ZNF470: variants seen among roughly 807,000 people sequenced by gnomAD.
ZNF470 encodes zinc finger protein 470.
A neutral mutation model predicts 13.9 loss-of-function variants in ZNF470; 13 were observed. That is an observed-to-expected ratio of 0.94 (90% CI 0.61 to 1.49). ZNF470 has a LOEUF of 1.49. Among genes scored for constraint, ZNF470 ranks in the 40% most tolerant of loss-of-function variants. ZNF470 has a pLI of 0.00. For missense variants in ZNF470, 929 were observed against 857.3 expected (o/e 1.08, Z -1.04); for synonymous variants, 293 against 282.9 (o/e 1.04, Z -0.36).
rs1438118735 is a variant in ZNF470, at chr19:56,579,730, C to T, written c.*1147C>T. On this transcript the variant is annotated 3_prime_UTR_variant, in exon 6 of 6. Transcript: ENST00000330619. Reference sequence around the variant, plus strand: ...CTGAATGTAGATGTTACAACTTAAACTTATTTTTAAAATATTTAAAAATAG... The same window carrying T: ...CTGAATGTAGATGTTACAACTTAAATTTATTTTTAAAATATTTAAAAATAG... The T allele has an allele frequency of 1.0e-6, 1 of 981,424 alleles. No individual in the cohort carries two copies. The highest frequency in any genetic ancestry group is 1.1e-4 in the East Asian group (1 of 8,800). The allele number at this position is 981,424 out of a possible 1,614,324, so 60.8% of individuals were successfully genotyped here. A position where few individuals can be genotyped will look rare whatever the true frequency, so the allele number is the denominator to read the frequency against.
chr19:56,568,479 A>G (rs551173358), intron 1 of ZNF470, among the ~76,000 whole-genome samples: 4 of 152,202 alleles, frequency 2.6e-5, no homozygotes, highest in East Asian at 3.9e-4. Context: ...CAGCCTTTCT[A>G]TGGCTTAATC....
In ZNF470 at chr19:56,578,650, C is replaced by T. The variant is rs1165885995; in HGVS notation, c.*67C>T. 7.2e-7 allele frequency: 1 copy of T among 1,381,174 alleles called. No homozygotes were observed. The highest frequency in any genetic ancestry group is 1.4e-5 in the African/African-American group (1 of 69,264). The allele number at this position is 1,381,174 out of a possible 1,614,324, so 85.6% of individuals were successfully genotyped here. ...CCAGCACATGTCCCATCATCATAGTCCAAGACGCAACCATCTCATCTGGAT... is the reference window on the plus strand; with the variant it reads ...CCAGCACATGTCCCATCATCATAGTTCAAGACGCAACCATCTCATCTGGAT... On this transcript the variant is annotated 3_prime_UTR_variant, in exon 6 of 6. Transcript: ENST00000330619.
rs757996315 is a variant in ZNF470 at position 56,578,626 on chromosome 19, C to T, written c.*43C>T. 6.9e-7 allele frequency: 1 copy of T among 1,445,904 alleles called. No individual in the cohort carries two copies. Among genetic ancestry groups the T allele is most frequent in the Non-Finnish European group, 9.1e-7 (1 of 1,095,640 alleles). 89.6% of individuals were successfully genotyped at this position (1,445,904 alleles called of 1,614,324 possible). A position where few individuals can be genotyped will look rare whatever the true frequency, so the allele number is the denominator to read the frequency against. ...CTTCTAGCATCCATCTGCTTTTTTC[C>T]AGCACATGTCCCATCATCATAGTCC... On this transcript the variant is annotated 3_prime_UTR_variant, in exon 6 of 6. Transcript: ENST00000330619.
chr19:56,576,950 C>T lies in ZNF470; in HGVS notation c.521C>T (p.Ser174Phe). ...ACTCTTATTGAAAAAAGAGATCACT[C>T]TAACAAATCTGGGACAGTTTTTCAT... The part of the protein sequence containing the change: ...IDTLIEKRDH[S>F]NKSGTVFHLN... The change falls in exon 6 of 6, where the codon TCT (serine) becomes TTT (phenylalanine). Residue 174 changes from serine (S) to phenylalanine (F), a missense_variant. Coordinates refer to ENST00000330619, the MANE Select transcript of ZNF470 (RefSeq NM_001001668.4). The T allele has an allele frequency of 6.9e-6, 11 of 1,585,834 alleles. No individual in the cohort carries two copies. Among genetic ancestry groups the T allele is most frequent in the Non-Finnish European group, 8.5e-6 (10 of 1,171,038 alleles).
Position 56,582,685 on chromosome 19 carries a change from T to C in ZNF470, c.*4102T>C, listed in dbSNP as rs2044543593. 2.1e-6 allele frequency: 1 copy of C among 484,238 alleles called. No individual in the cohort carries two copies. The highest frequency in any genetic ancestry group is 2.7e-6 in the Non-Finnish European group (1 of 372,266). The allele number at this position is 484,238 out of a possible 1,614,324, so 30.0% of individuals were successfully genotyped here. On this transcript the variant is annotated 3_prime_UTR_variant, in exon 6 of 6. Transcript: ENST00000330619. ...CCATAAGAGTGAGGCCCTAATCCCA[T>C]AGGACTAGTGTCCTTATAAGAGGAA...
Position 56,579,654 on chromosome 19 carries a change from A to G in ZNF470, c.*1071A>G. On this transcript the variant is annotated 3_prime_UTR_variant, in exon 6 of 6. Coordinates refer to ENST00000330619, the MANE Select transcript of ZNF470 (RefSeq NM_001001668.4). ...ATAAGACCTTCCATCTTGTTCCATG[A>G]GATTGACAAGACATGCCAAAACATA... 1 of 985,422 alleles carries G rather than the reference A, an allele frequency of 1.0e-6. No individual in the cohort carries two copies. Among genetic ancestry groups the G allele is most frequent in the Non-Finnish European group, 1.2e-6 (1 of 829,920 alleles). The allele number at this position is 985,422 out of a possible 1,614,324, so 61.0% of individuals were successfully genotyped here.
In ZNF470 at chr19:56,578,253, G is replaced by A. The variant is rs370666760; in HGVS notation, c.1824G>A (p.Leu608=). 2.5e-6 allele frequency: 4 copies of A among 1,613,530 alleles called. 1 individual carries two copies. The highest frequency in any genetic ancestry group is 1.1e-5 in the South Asian group (1 of 91,062). The change falls in exon 6 of 6, where the codon TTG becomes TTA. Residue 608 remains leucine (L), a synonymous_variant. Transcript: ENST00000330619. Reference sequence around the variant, plus strand: ...AGGCATTCAGGCAGAGGGCATCCTTGATTTGTCATCAGAGATGTCATACTG... The same window carrying A: ...AGGCATTCAGGCAGAGGGCATCCTTAATTTGTCATCAGAGATGTCATACTG... ...CGKAFRQRAS[L]ICHQRCHTGE...
Position 56,577,849 on chromosome 19 carries a change from G to C in ZNF470, c.1420G>C (p.Val474Leu). ...HRGSLTLHQR[V>L]HTGEKPYECK... Reference sequence around the variant, plus strand: ...TGGGTCTCTTACTCTTCATCAGAGAGTTCATACTGGAGAGAAACCCTATGA... The same window carrying C: ...TGGGTCTCTTACTCTTCATCAGAGACTTCATACTGGAGAGAAACCCTATGA... Residue 474 changes from valine (V) to leucine (L), a missense_variant, in exon 6 of 6, where the codon GTT becomes CTT. By Grantham distance (32) the Val-to-Leu change is conservative. Coordinates refer to ENST00000330619, the MANE Select transcript of ZNF470 (RefSeq NM_001001668.4). The C allele has an allele frequency of 6.2e-7, 1 of 1,613,456 alleles. No homozygotes were observed. Among genetic ancestry groups the C allele is most frequent in the Non-Finnish European group, 8.5e-7 (1 of 1,179,792 alleles).
At position 56,567,697 on chromosome 19, in the gene ZNF470, GA is replaced by G; in HGVS notation, c.-499del. 1.0e-6 allele frequency: 1 copy of G among 988,006 alleles called. No individual in the cohort carries two copies. Among genetic ancestry groups the G allele is most frequent in the South Asian group, 4.7e-5 (1 of 21,410 alleles). The allele number at this position is 988,006 out of a possible 1,614,324, so 61.2% of individuals were successfully genotyped here. On this transcript the variant is annotated 5_prime_UTR_variant, in exon 1 of 6. An upstream start codon of the reference 5' UTR is lost. Coordinates refer to ENST00000330619, the MANE Select transcript of ZNF470 (RefSeq NM_001001668.4). ...CTGAGGAGGGGCGAGCGCGCGCGGGGATGGCGGCCCGGTGTGTGACTGTCCG... is the reference window on the plus strand; with the variant it reads ...CTGAGGAGGGGCGAGCGCGCGCGGGGTGGCGGCCCGGTGTGTGACTGTCCG...
rs534866372 is a variant in ZNF470, at chr19:56,581,349, G to A, written c.*2766G>A. 23 of 917,556 alleles carry A rather than the reference G, an allele frequency of 2.5e-5. No homozygotes were observed. The East Asian group carries it at 1.8e-3, about 70-fold the overall frequency. The allele number at this position is 917,556 out of a possible 1,614,324, so 56.8% of individuals were successfully genotyped here. The stretch of plus-strand genomic sequence containing the variant: ...GTGATAACATTCAGTATTGGTGAAT[G>A]TGTGGAAACAAGGGAATTCCATTGT... On this transcript the variant is annotated 3_prime_UTR_variant, in exon 6 of 6. Coordinates refer to ENST00000330619, the MANE Select transcript of ZNF470 (RefSeq NM_001001668.4).
Position 56,578,504 on chromosome 19 carries a change from T to C in ZNF470, c.2075T>C (p.Leu692Pro). The part of the protein sequence containing the change: ...CGKAFRQSVH[L>P]AHHQRIHTGE... The stretch of plus-strand genomic sequence containing the variant: ...AAAGCCTTCAGGCAGAGTGTACATC[T>C]TGCTCATCATCAGCGAATTCATACC... The change falls in exon 6 of 6, where the codon CTT becomes CCT. Residue 692 changes from leucine to proline, a missense_variant. Leu to Pro is a moderately conservative substitution (Grantham distance 98, BLOSUM62 -3). Coordinates refer to ENST00000330619, the MANE Select transcript of ZNF470 (RefSeq NM_001001668.4). 6.2e-7 allele frequency: 1 copy of C among 1,605,750 alleles called. No individual in the cohort carries two copies.
chr19:56,582,230 T>C lies in ZNF470; in HGVS notation c.*3647T>C. Reference sequence around the variant, plus strand: ...AATAGAGGTCTAGGGTTCTGGATAATGATAATTTAAGGAGGATGGAGAATG... The same window carrying C: ...AATAGAGGTCTAGGGTTCTGGATAACGATAATTTAAGGAGGATGGAGAATG... On this transcript the variant is annotated 3_prime_UTR_variant, in exon 6 of 6. Transcript: ENST00000330619. 1 of 985,340 alleles carries C rather than the reference T, an allele frequency of 1.0e-6. No individual in the cohort carries two copies. The highest frequency in any genetic ancestry group is 4.7e-5 in the South Asian group (1 of 21,282). 61.0% of individuals were successfully genotyped at this position (985,340 alleles called of 1,614,324 possible). A position where few individuals can be genotyped will look rare whatever the true frequency, so the allele number is the denominator to read the frequency against.
chr19:56,581,015 CTT>C lies in ZNF470; in HGVS notation c.*2434_*2435del. On this transcript the variant is annotated 3_prime_UTR_variant, in exon 6 of 6. Transcript: ENST00000330619. Reference sequence around the variant, plus strand: ...ATATGTACCCTCGGTTTGAAATAGACTTTAAGCACTAATGCATAACCCCAAAG... The same window carrying C: ...ATATGTACCCTCGGTTTGAAATAGACTAAGCACTAATGCATAACCCCAAAG... 1.0e-6 allele frequency: 1 copy of C among 985,190 alleles called. No homozygotes were observed. Among genetic ancestry groups the C allele is most frequent in the Non-Finnish European group, 1.2e-6 (1 of 829,766 alleles). 61.0% of individuals were successfully genotyped at this position (985,190 alleles called of 1,614,324 possible).
rs975733468 is a variant in ZNF470, at chr19:56,567,740, C to T, written c.-457C>T. ...GACTGTCCGGTGCGTGGCCGCGAAT[C>T]TGCGCCTGCGTGCATGGCCCGGCGG... On this transcript the variant is annotated 5_prime_UTR_variant, in exon 1 of 6. Coordinates refer to ENST00000330619, the MANE Select transcript of ZNF470 (RefSeq NM_001001668.4). The T allele has an allele frequency of 1.0e-5, 10 of 987,862 alleles. No individual in the cohort carries two copies. Among genetic ancestry groups the T allele is most frequent in the Non-Finnish European group, 1.2e-5 (10 of 831,926 alleles). 61.2% of individuals were successfully genotyped at this position (987,862 alleles called of 1,614,324 possible). A position where few individuals can be genotyped will look rare whatever the true frequency, so the allele number is the denominator to read the frequency against.
chr19:56,577,960 T>C lies in ZNF470; in HGVS notation c.1531T>C (p.Cys511Arg), dbSNP rs2147987659. ...TCATACTGGAGAGAAACCTTATGAATGTAAGGAATGCAGCAAAACCTTCAG... is the reference window on the plus strand; with the variant it reads ...TCATACTGGAGAGAAACCTTATGAACGTAAGGAATGCAGCAAAACCTTCAG... ...RIHTGEKPYE[C>R]KECSKTFSQN... is the part of the protein sequence containing the mutation. Residue 511 changes from cysteine (C) to arginine (R), a missense_variant, in exon 6 of 6, where the codon TGT becomes CGT. Coordinates refer to ENST00000330619, the MANE Select transcript of ZNF470 (RefSeq NM_001001668.4). 7.4e-6 allele frequency: 12 copies of C among 1,614,054 alleles called. No individual in the cohort carries two copies. Among genetic ancestry groups the C allele is most frequent in the East Asian group, 2.2e-5 (1 of 44,876 alleles).
rs1161790499 is a variant in ZNF470 at position 56,573,878 on chromosome 19, A to G, written c.61-516A>G. On this transcript the variant is annotated intron_variant, in intron 3 of 5. Transcript: ENST00000330619. ...TACTTTTATTTCAGAAGAAAAGACTATAGCTAGGTGTTTTTTTCCTTTCAT... is the reference window on the plus strand; with the variant it reads ...TACTTTTATTTCAGAAGAAAAGACTGTAGCTAGGTGTTTTTTTCCTTTCAT... 9 of 645,140 alleles carry G rather than the reference A, an allele frequency of 1.4e-5. No homozygotes were observed. The Admixed American group carries it at 4.4e-4, about 32-fold the overall frequency. 40.0% of individuals were successfully genotyped at this position (645,140 alleles called of 1,614,324 possible). A position where few individuals can be genotyped will look rare whatever the true frequency, so the allele number is the denominator to read the frequency against.
chr19:56,568,050 A>G lies in ZNF470; in HGVS notation c.-159+12A>G. 1.0e-6 allele frequency: 1 copy of G among 985,808 alleles called. No homozygotes were observed. Among genetic ancestry groups the G allele is most frequent in the South Asian group, 4.7e-5 (1 of 21,294 alleles). The allele number at this position is 985,808 out of a possible 1,614,324, so 61.1% of individuals were successfully genotyped here. ...GACTGAGTACACAGGTAAGAGTGAC[A>G]GATGACGGATGTGGCTGCCGGAGTG... is the stretch of plus-strand genomic sequence containing the variant. On this transcript the variant is annotated intron_variant, in intron 1 of 5. Coordinates refer to ENST00000330619, the MANE Select transcript of ZNF470 (RefSeq NM_001001668.4).
chr19:56,572,583 A>G (rs1176845714), intron 3 of ZNF470, among the ~76,000 whole-genome samples: 1 of 149,176 alleles, frequency 6.7e-6, no homozygotes, highest in Non-Finnish European at 1.5e-5. Context: ...TTGGGGAAAA[A>G]GCCCCAGATT....
intron 5 of ZNF470, among the ~76,000 whole-genome samples, chr19:56,575,132 CCTTTTT>C (rs2044480190): frequency 6.6e-6 from 1 of 151,948 alleles, no homozygotes; most frequent in Non-Finnish European, 1.5e-5. Flanking sequence ...CTTCCCTCTG[CCTTTTT>C]CTTTTTTGTA....
Sources: gnomAD v4.1 joint callset for allele counts (sites outside exome capture counted in the v4.1 genomes callset) on GRCh38, gnomAD v4.1.1 for gene constraint, MANE v1.5 for transcripts, NCBI Gene and HGNC (gene_info 2026-07-23, HGNC 2026-07-21) for gene names.